TRIM62: variants seen among roughly 807,000 people sequenced by gnomAD.
TRIM62 encodes the protein E3 ubiquitin-protein ligase TRIM62.
Under a neutral mutation model 44.2 loss-of-function variants are expected in TRIM62, and 39 were observed. That is an observed-to-expected ratio of 0.88 (90% CI 0.68 to 1.15). The LOEUF is 1.15. Ranked by LOEUF, TRIM62 falls within the 50% of genes most tolerant of loss-of-function variation. The probability of loss-of-function intolerance (pLI) is 0.00; values close to 1 mark genes in which losing one functional copy is unlikely to be tolerated. For synonymous variants in TRIM62, 278 were observed against 292.3 expected, an observed-to-expected ratio of 0.95 and a Z score of 0.50; for missense variants, 544 against 665.5, an observed-to-expected ratio of 0.82 and a Z score of 2.01.
At chr1:33,152,552 A>G (rs1023900747) in intron 4 of TRIM62, among the ~76,000 whole-genome samples, 1 of 148,004 alleles carries the variant, frequency 6.8e-6, no homozygotes, top group Non-Finnish European at 1.5e-5. Flanking sequence ...GGGCAACAAG[A>G]GTGAAACTCC....
In TRIM62 at chr1:33,146,916, G is replaced by T; in HGVS notation, c.*261C>A. 2.0e-6 allele frequency: 1 copy of T among 512,672 alleles called. No individual in the cohort carries two copies. 31.8% of individuals were successfully genotyped at this position (512,672 alleles called of 1,614,324 possible). ...TGGGGATGAGGGTTGGGCAGGGGTTGCCCTGAGGAGAAGCCATGTCACATC... is the reference window on the plus strand; with the variant it reads ...TGGGGATGAGGGTTGGGCAGGGGTTTCCCTGAGGAGAAGCCATGTCACATC... On this transcript the variant is annotated 3_prime_UTR_variant, in exon 5 of 5. Coordinates refer to ENST00000291416, the MANE Select transcript of TRIM62 (RefSeq NM_018207.3).
In TRIM62 at chr1:33,181,285, A is replaced by T; in HGVS notation, c.148T>A (p.Cys50Ser). 6.4e-7 allele frequency: 1 copy of T among 1,551,044 alleles called. No homozygotes were observed. The highest frequency in any genetic ancestry group is 8.7e-7 in the Non-Finnish European group (1 of 1,153,670). Residue 50 changes from cysteine (C) to serine (S), a missense_variant, in exon 1 of 5, where the codon TGC becomes AGC. Cys to Ser is a moderately radical substitution (Grantham distance 112, BLOSUM62 -1). Transcript: ENST00000291416. This position sits in a 1 kb window ranked among gnomAD's most constrained non-coding sequence, Gnocchi z 6.5. ...VRQEAQGARDCPECRRTFAEP... is the reference protein window; with the variant it reads ...VRQEAQGARDSPECRRTFAEP... ...GCGAACGTGCGCCGGCACTCGGGGC[A>T]GTCGCGGGCGCCCTGCGCCTCCTGC...
chr1:33,163,157 G>C (rs1230927333), intron 2 of TRIM62: 1 of 152,098 alleles, frequency 6.6e-6, no homozygotes, highest in South Asian at 2.1e-4. Context: ...TCCTGCCTCA[G>C]CCTCTTGAGT....
At chr1:33,149,458 T>TAAA (rs71278764) in intron 4 of TRIM62, among the ~76,000 whole-genome samples, 1 of 146,628 alleles carries the variant, frequency 6.8e-6, no homozygotes, top group Non-Finnish European at 1.5e-5. Flanking sequence ...TGGATTCTTT[T>TAAA]AAAAAAAAAA....
Position 33,165,764 on chromosome 1 carries a change from C to G in TRIM62, c.409-198G>C. The G allele has an allele frequency of 2.4e-6, 1 of 418,594 alleles. No individual in the cohort carries two copies. Among genetic ancestry groups the G allele is most frequent in the Middle Eastern group, 6.2e-4 (1 of 1,624 alleles). The allele number at this position is 418,594 out of a possible 1,614,324, so 25.9% of individuals were successfully genotyped here. On this transcript the variant is annotated intron_variant, in intron 1 of 4. Coordinates refer to ENST00000291416, the MANE Select transcript of TRIM62 (RefSeq NM_018207.3). The surrounding 1 kb of genome is among the most constrained non-coding windows in gnomAD (Gnocchi z 4.0). Reference sequence around the variant, plus strand: ...ACCTCCAGAACCCGTCCGTATCTTTCACCTGCATCTTTGCAACAACCTCCT... The same window carrying G: ...ACCTCCAGAACCCGTCCGTATCTTTGACCTGCATCTTTGCAACAACCTCCT...
chr1:33,160,464 G>T (rs1214226246), intron 2 of TRIM62, among the ~76,000 whole-genome samples: 1 of 152,108 alleles, frequency 6.6e-6, no homozygotes, highest in Non-Finnish European at 1.5e-5. Flanking sequence ...GAGTGTGATG[G>T]CACGATCTCG....
At chr1:33,170,049 C>CATT (rs1645361021) in intron 1 of TRIM62, among the ~76,000 whole-genome samples, 1 of 152,186 alleles carries the variant, frequency 6.6e-6, no homozygotes, top group Non-Finnish European at 1.5e-5. Context: ...CTAGGCCGGG[C>CATT]ACAGTGGCTC....
Position 33,145,756 on chromosome 1 carries a change from G to A in TRIM62, c.*1421C>T. On this transcript the variant is annotated 3_prime_UTR_variant, in exon 5 of 5. Transcript: ENST00000291416. The stretch of plus-strand genomic sequence containing the variant: ...GGGCAGGGATAGAGCCAAGGGGCAG[G>A]ACAACCCTAGATGTGGACTCCACCC... 2.4e-6 allele frequency: 1 copy of A among 422,678 alleles called. No individual in the cohort carries two copies. The highest frequency in any genetic ancestry group is 1.8e-5 in the South Asian group (1 of 55,608). 26.2% of individuals were successfully genotyped at this position (422,678 alleles called of 1,614,324 possible).
intron 1 of TRIM62, among the ~76,000 whole-genome samples, chr1:33,168,740 C>T (rs1364505526): frequency 6.6e-6 from 1 of 152,232 alleles, no homozygotes; most frequent in Non-Finnish European, 1.5e-5. Context: ...GACCGCTCCT[C>T]AGGTGCCTCT....
At chr1:33,148,339 A>AT (rs1201683286) in intron 4 of TRIM62, among the ~76,000 whole-genome samples, 9 of 152,142 alleles carry the variant, frequency 5.9e-5, no homozygotes, top group South Asian at 2.1e-4. Flanking sequence ...TAAACATGAA[A>AT]TTTTTTTTGC....
In TRIM62 at chr1:33,147,212, C is replaced by T. The variant is rs1467895222; in HGVS notation, c.1393G>A (p.Val465Ile). Reference sequence around the variant, plus strand: ...ACGGTGTTGATCCGCAGCGGCTGAACGTTCTTGCCATTGGCGTGGCTCTGG... The same window carrying T: ...ACGGTGTTGATCCGCAGCGGCTGAATGTTCTTGCCATTGGCGTGGCTCTGG... ...PGQSHANGKNVQPLRINTVRI is the reference protein window; with the variant it reads ...PGQSHANGKNIQPLRINTVRI The change falls in exon 5 of 5, where the codon GTT becomes ATT. Residue 465 changes from valine to isoleucine, a missense_variant. Physicochemically the swap from Val to Ile is conservative, Grantham distance 29 (BLOSUM62 3). Coordinates refer to ENST00000291416, the MANE Select transcript of TRIM62 (RefSeq NM_018207.3). This position sits in a 1 kb window ranked among gnomAD's most constrained non-coding sequence, Gnocchi z 8.1. 8 of 1,613,854 alleles carry T rather than the reference C, an allele frequency of 5.0e-6. No homozygotes were observed. The highest frequency in any genetic ancestry group is 1.3e-5 in the African/African-American group (1 of 75,014).
At chr1:33,162,664 T>C (rs532301089) in intron 2 of TRIM62, among the ~76,000 whole-genome samples, 1 of 151,686 alleles carries the variant, frequency 6.6e-6, no homozygotes, top group African/African-American at 2.4e-5. Context: ...GGTTTCAATG[T>C]CTCAAGGACG....
In TRIM62 at chr1:33,147,198, C is replaced by G. The variant is rs748649754; in HGVS notation, c.1407G>C (p.Arg469=). ...TGGACTAGATGCGGACGGTGTTGAT[C>G]CGCAGCGGCTGAACGTTCTTGCCAT... ...HANGKNVQPL[R]INTVRI Residue 469 remains arginine, a synonymous_variant, in exon 5 of 5, where the codon CGG becomes CGC. Transcript: ENST00000291416. This position sits in a 1 kb window ranked among gnomAD's most constrained non-coding sequence, Gnocchi z 8.1. 6.2e-7 allele frequency: 1 copy of G among 1,613,708 alleles called. No homozygotes were observed. Among genetic ancestry groups the G allele is most frequent in the South Asian group, 1.1e-5 (1 of 91,064 alleles).
chr1:33,181,302 G>A lies in TRIM62; in HGVS notation c.131C>T (p.Ala44Val), dbSNP rs1334500444. The A allele has an allele frequency of 1.3e-6, 2 of 1,555,638 alleles. No individual in the cohort carries two copies. The highest frequency in any genetic ancestry group is 3.9e-5 in the Admixed American group (2 of 51,322). Residue 44 changes from alanine to valine, a missense_variant, in exon 1 of 5, where the codon GCG (alanine) becomes GTG (valine). Physicochemically the swap from Ala to Val is moderately conservative, Grantham distance 64. Coordinates refer to ENST00000291416, the MANE Select transcript of TRIM62 (RefSeq NM_018207.3). The surrounding 1 kb of genome is among the most constrained non-coding windows in gnomAD (Gnocchi z 6.5). ...CTCGGGGCAGTCGCGGGCGCCCTGC[G>A]CCTCCTGCCGCACCCAGTGCTCCGT... is the stretch of plus-strand genomic sequence containing the variant. ...CITEHWVRQE[A>V]QGARDCPECR...
rs199599646 is a variant in TRIM62 at position 33,147,740 on chromosome 1, G to T, written c.878-13C>A. 1 of 1,602,696 alleles carries T rather than the reference G, an allele frequency of 6.2e-7. No individual in the cohort carries two copies. The highest frequency in any genetic ancestry group is 1.3e-5 in the African/African-American group (1 of 74,918). On this transcript the variant is annotated splice_polypyrimidine_tract_variant and intron_variant, in intron 4 of 4. Transcript: ENST00000291416. The surrounding 1 kb of genome is among the most constrained non-coding windows in gnomAD (Gnocchi z 8.1). ...AGGGCGGCTGGCACTGTGGGGGTTG[G>T]AGGAGGGAGAGAAGATGAGTGGGGA...
In TRIM62 at chr1:33,177,038, TGCACACACACAC is replaced by T. The variant is rs1488618104; in HGVS notation, c.408+3975_408+3986del. Among the ~76,000 whole-genome samples the T allele has an allele frequency of 6.5e-4, 39 of 60,438 alleles. No individual in the cohort carries two copies. In the South Asian group the frequency reaches 7.8e-3, roughly 12 times the overall value. The allele number at this position is 60,438 out of a possible 152,430, so 39.6% of individuals were successfully genotyped here. Reference sequence around the variant, plus strand: ...AGGAAGACACCAACACACATACACATGCACACACACACGCACACACACACACATGCACACACA... The same window carrying T: ...AGGAAGACACCAACACACATACACATGCACACACACACACATGCACACACA... On this transcript the variant is annotated intron_variant, in intron 1 of 4. Coordinates refer to ENST00000291416, the MANE Select transcript of TRIM62 (RefSeq NM_018207.3). This position sits in a 1 kb window ranked among gnomAD's most constrained non-coding sequence, Gnocchi z 4.1.
At position 33,159,093 on chromosome 1, in the gene TRIM62, C is replaced by G. The variant is rs12121648; in HGVS notation, c.761+595G>C. Reference sequence around the variant, plus strand: ...CTCCTGACCTCAGGTAATCCACCTGCCTCGGCCTCCCAAAGTGCTGGGATT... The same window carrying G: ...CTCCTGACCTCAGGTAATCCACCTGGCTCGGCCTCCCAAAGTGCTGGGATT... On this transcript the variant is annotated intron_variant, in intron 3 of 4. Transcript: ENST00000291416. This position sits in a 1 kb window ranked among gnomAD's most constrained non-coding sequence, Gnocchi z 4.2. 0.027 allele frequency among the ~76,000 whole-genome samples: 4,055 copies of G among 152,086 alleles called. 86 individuals carry two copies. The highest frequency in any genetic ancestry group is 0.07 in the South Asian group (336 of 4,802).
rs1645464778 is a variant in TRIM62 at position 33,181,568 on chromosome 1, G to A, written c.-136C>T. On this transcript the variant is annotated 5_prime_UTR_variant, in exon 1 of 5. Transcript: ENST00000291416. This position sits in a 1 kb window ranked among gnomAD's most constrained non-coding sequence, Gnocchi z 6.5. ...GGCAGGGGTAGGAGCTACCGGAGAA[G>A]GGAGGGGGTGCTGTCCGGAAGGAGG... 1 of 1,392,386 alleles carries A rather than the reference G, an allele frequency of 7.2e-7. No individual in the cohort carries two copies. The highest frequency in any genetic ancestry group is 9.3e-7 in the Non-Finnish European group (1 of 1,072,246). The allele number at this position is 1,392,386 out of a possible 1,614,324, so 86.3% of individuals were successfully genotyped here.
chr1:33,160,631 C>T (rs1252073408), intron 2 of TRIM62, among the ~76,000 whole-genome samples: 1 of 152,082 alleles, frequency 6.6e-6, no homozygotes, highest in Non-Finnish European at 1.5e-5. Context: ...TCTCAAACAC[C>T]TGACGTTAGG....
Sources: allele counts gnomAD v4.1 joint callset (sites outside exome capture counted in the v4.1 genomes callset), GRCh38; gene constraint gnomAD v4.1.1; non-coding constraint Gnocchi (gnomAD v3.1); transcripts MANE v1.5; gene names NCBI Gene and HGNC (gene_info 2026-07-23, HGNC 2026-07-21).